Variants in NCKAP5 observed in about 807,000 individuals in gnomAD.
NCKAP5 encodes NCK associated protein 5.
NCKAP5 carries 92 observed loss-of-function variants against 167.0 expected under a neutral mutation model. The ratio of observed to expected loss-of-function variants is 0.55; its 90% CI spans 0.47 to 0.66. NCKAP5 has a LOEUF of 0.66. NCKAP5 is among the 30% of genes least tolerant of loss of function. NCKAP5 has a pLI of 0.00. For synonymous variants in NCKAP5, 891 were observed against 877.4 expected (o/e 1.02, Z -0.27); for missense variants, 2,378 against 2,315.0 (o/e 1.03, Z -0.56).
intron 3 of NCKAP5, among the ~76,000 whole-genome samples, chr2:133,383,416 A>T (rs1267101781): frequency 6.6e-6 from 1 of 152,234 alleles, no homozygotes; most frequent in African/African-American, 2.4e-5. Context: ...ATGACTGCAT[A>T]GTATTCCATG....
At chr2:133,384,153 T>A (rs536084584) in intron 3 of NCKAP5, among the ~76,000 whole-genome samples, 4 of 152,280 alleles carry the variant, frequency 2.6e-5, no homozygotes, top group South Asian at 4.1e-4. Flanking sequence ...CTGAATGGTA[T>A]TGCCTAAGTT....
At chr2:132,745,322 G>T (rs534803805) in intron 16 of NCKAP5, among the ~76,000 whole-genome samples, 1 of 151,108 alleles carries the variant, frequency 6.6e-6, no homozygotes, top group Admixed American at 6.6e-5. Context: ...AATATTAAAA[G>T]AAAAACCATA....
intron 8 of NCKAP5, among the ~76,000 whole-genome samples, chr2:132,923,901 G>A (rs1695640495): frequency 6.6e-6 from 1 of 152,174 alleles, no homozygotes; most frequent in Non-Finnish European, 1.5e-5. Context: ...CTATCAGTCT[G>A]TCCTCCCCTA....
chr2:133,012,576 A>G (rs2078198539), intron 6 of NCKAP5, among the ~76,000 whole-genome samples: 1 of 151,994 alleles, frequency 6.6e-6, no homozygotes, highest in Non-Finnish European at 1.5e-5. Flanking sequence ...CCTCCCCTTC[A>G]ATGGCTTTTT....
chr2:132,689,616 A>G (rs1270667416), intron 19 of NCKAP5, among the ~76,000 whole-genome samples: 1 of 152,136 alleles, frequency 6.6e-6, no homozygotes, highest in Non-Finnish European at 1.5e-5. Context: ...AACTCCTCTC[A>G]TGCCCACAGC....
At chr2:133,317,343 G>A (rs913804175) in intron 3 of NCKAP5, among the ~76,000 whole-genome samples, 3 of 152,110 alleles carry the variant, frequency 2.0e-5, no homozygotes, top group African/African-American at 4.8e-5. Flanking sequence ...TTGGGCAATC[G>A]TCTGTGTGAT....
At chr2:133,401,968 T>C (rs1477073039) in intron 3 of NCKAP5, among the ~76,000 whole-genome samples, 1 of 152,160 alleles carries the variant, frequency 6.6e-6, no homozygotes, top group African/African-American at 2.4e-5. Flanking sequence ...CCTGTCATGA[T>C]CTCTCGAGAT....
intron 5 of NCKAP5, among the ~76,000 whole-genome samples, chr2:133,210,090 A>G (rs1382473730): frequency 6.6e-6 from 1 of 151,786 alleles, no homozygotes; most frequent in African/African-American, 2.4e-5. Flanking sequence ...GCTTCAACCA[A>G]GGAGGCAGAG....
intron 2 of NCKAP5, among the ~76,000 whole-genome samples, chr2:133,544,719 G>A (rs988804749): frequency 4.6e-5 from 7 of 152,148 alleles, no homozygotes; most frequent in Admixed American, 2.6e-4. Flanking sequence ...AGGATAAATA[G>A]CTAAAGGTGC....
intron 6 of NCKAP5, among the ~76,000 whole-genome samples, chr2:133,128,018 G>T (rs1400194214): frequency 2.0e-5 from 3 of 152,130 alleles, no homozygotes; most frequent in Non-Finnish European, 4.4e-5. Flanking sequence ...GTTCCTCCAT[G>T]AACTCCTACA....
intron 3 of NCKAP5, among the ~76,000 whole-genome samples, chr2:133,383,894 C>T (rs998114315): frequency 1.3e-5 from 2 of 152,122 alleles, no homozygotes; most frequent in African/African-American, 4.8e-5. Context: ...TATCCTTCGC[C>T]CACTTTTTGA....
At chr2:133,388,808 G>C (rs546188129) in intron 3 of NCKAP5, among the ~76,000 whole-genome samples, 5 of 152,202 alleles carry the variant, frequency 3.3e-5, no homozygotes, top group Admixed American at 6.5e-5. Flanking sequence ...AATGAGCAAG[G>C]CTGCGTGGGC....
intron 3 of NCKAP5, among the ~76,000 whole-genome samples, chr2:133,343,428 A>AT (rs1683732602): frequency 1.3e-5 from 2 of 152,324 alleles, no homozygotes; most frequent in East Asian, 3.9e-4. Context: ...GTTTAAAAAA[A>AT]AAAAGAATAA....
chr2:133,517,638 CTTTGTTTTTAA>C, intron 2 of NCKAP5, 51 bp from the exon 3 acceptor site: 1 of 583,776 alleles, frequency 1.7e-6, no homozygotes. Context: ...GTGTTTAGAC[CTTTGTTTTTAA>C]CTCTCTAACC....
chr2:133,355,515 T>C (rs1684648757), intron 3 of NCKAP5, among the ~76,000 whole-genome samples: 1 of 152,220 alleles, frequency 6.6e-6, no homozygotes, highest in African/African-American at 2.4e-5. Context: ...TCTTTACTCA[T>C]AGATATAGCA....
At chr2:133,299,768 A>C (rs1000335043) in intron 4 of NCKAP5, among the ~76,000 whole-genome samples, 1 of 152,068 alleles carries the variant, frequency 6.6e-6, no homozygotes. Context: ...TCAATCAATC[A>C]ATGACTTTAG....
chr2:133,069,043 C>T lies in NCKAP5; in HGVS notation c.341+60935G>A, dbSNP rs573492317. 1.1e-4 allele frequency among the ~76,000 whole-genome samples: 16 copies of T among 152,236 alleles called. No individual in the cohort carries two copies. The South Asian group carries it at 1.4e-3, about 14-fold the overall frequency. ...ATTGGATAATGAATGTAAACTGTGA[C>T]GTTATGGTGCAAAACTGTAACCCAA... On this transcript the variant is annotated intron_variant, in intron 6 of 19. Transcript: ENST00000409261.
At chr2:132,735,500 A>G (rs903106271) in intron 16 of NCKAP5, among the ~76,000 whole-genome samples, 4 of 152,258 alleles carry the variant, frequency 2.6e-5, no homozygotes, top group African/African-American at 9.6e-5. Flanking sequence ...TGCCAGCACC[A>G]TGCTTCCTAT....
chr2:132,712,323 T>C (rs1688925563), intron 19 of NCKAP5, among the ~76,000 whole-genome samples: 1 of 152,150 alleles, frequency 6.6e-6, no homozygotes, highest in African/African-American at 2.4e-5. Flanking sequence ...TTCAGGAAGA[T>C]ACTTTGGCTA....
Sources: allele counts gnomAD v4.1 joint callset (sites outside exome capture counted in the v4.1 genomes callset), GRCh38; gene constraint gnomAD v4.1.1; transcripts MANE v1.5; gene names NCBI Gene and HGNC (gene_info 2026-07-23, HGNC 2026-07-21).